Variants in SGCD observed in about 807,000 individuals in gnomAD.
SGCD encodes delta-sarcoglycan.
Under a neutral mutation model 36.6 loss-of-function variants are expected in SGCD, and 18 were observed. The observed-to-expected ratio is 0.49, with a 90% CI of 0.34 to 0.73. The LOEUF (loss-of-function observed/expected upper bound fraction) is 0.73. SGCD is among the 30% of genes least tolerant of loss of function. SGCD has a pLI of 0.01. For synonymous variants in SGCD, 133 were observed against 130.6 expected, an observed-to-expected ratio of 1.02 and a Z score of -0.12; for missense variants, 387 against 346.7, an observed-to-expected ratio of 1.12 and a Z score of -0.92.
At chr5:155,734,664 A>G in the SGCD span, among the ~76,000 whole-genome samples, 1 of 152,234 alleles carries the variant, frequency 6.6e-6, no homozygotes, top group Non-Finnish European at 1.5e-5. Flanking sequence ...TTAAAAACCC[A>G]TTGCTGAGAA....
At chr5:156,502,252 T>C (rs1399596477) in intron 3 of SGCD, among the ~76,000 whole-genome samples, 1 of 152,100 alleles carries the variant, frequency 6.6e-6, no homozygotes, top group Admixed American at 6.5e-5. Context: ...TTCACCATGT[T>C]AGCCAGGATG....
At chr5:156,755,958 C>T (rs1233702487) in intron 7 of SGCD, among the ~76,000 whole-genome samples, 5 of 152,104 alleles carry the variant, frequency 3.3e-5, no homozygotes, top group East Asian at 1.9e-4. Context: ...GGGGTTGCTC[C>T]GTAGTGGATC....
intron 3 of SGCD, among the ~76,000 whole-genome samples, chr5:156,457,521 G>A (rs1754311883): frequency 6.6e-6 from 1 of 152,104 alleles, no homozygotes; most frequent in African/African-American, 2.4e-5. Context: ...AGATATTTGG[G>A]GATATTTAGT....
intron 7 of SGCD, among the ~76,000 whole-genome samples, chr5:156,731,577 A>G (rs1756063386): frequency 6.7e-6 from 1 of 150,122 alleles, no homozygotes; most frequent in Non-Finnish European, 1.5e-5. Context: ...TGGGTTTTCT[A>G]TTTTGTTCCA....
At chr5:156,488,732 C>A (rs1281231275) in intron 3 of SGCD, among the ~76,000 whole-genome samples, 1 of 152,098 alleles carries the variant, frequency 6.6e-6, no homozygotes, top group Non-Finnish European at 1.5e-5. Context: ...ACTGCTAGAG[C>A]AGATACACAA....
At chr5:155,801,929 G>A in the SGCD span, among the ~76,000 whole-genome samples, 1 of 152,234 alleles carries the variant, frequency 6.6e-6, no homozygotes, top group African/African-American at 2.4e-5. Context: ...TACTGTAAGG[G>A]CATCTGTGTC....
At chr5:156,749,547 C>CA (rs1206767836) in intron 7 of SGCD, among the ~76,000 whole-genome samples, 1 of 151,118 alleles carries the variant, frequency 6.6e-6, no homozygotes, top group East Asian at 1.9e-4. Context: ...ATATGTGGGA[C>CA]AAAAAAAAGA....
intron 3 of SGCD, among the ~76,000 whole-genome samples, chr5:156,350,318 A>T (rs911668898): frequency 6.9e-6 from 1 of 144,394 alleles, no homozygotes; most frequent in Non-Finnish European, 1.5e-5. Flanking sequence ...ATTATTTTGT[A>T]TGTTTGGTTT....
chr5:155,830,325 G>A, the SGCD span, among the ~76,000 whole-genome samples: 17 of 145,120 alleles, frequency 1.2e-4, no homozygotes, highest in South Asian at 1.1e-3. Context: ...GTCTTTCTCC[G>A]TGTGTATACA....
intron 1 of SGCD, among the ~76,000 whole-genome samples, chr5:156,086,219 A>G (rs985257941): frequency 6.6e-6 from 1 of 152,248 alleles, no homozygotes; most frequent in Non-Finnish European, 1.5e-5. Flanking sequence ...ATCAAATATG[A>G]TGTATACAAT....
At chr5:156,331,854 A>G (rs893329734) in intron 2 of SGCD, among the ~76,000 whole-genome samples, 1 of 152,228 alleles carries the variant, frequency 6.6e-6, no homozygotes, top group Admixed American at 6.5e-5. Flanking sequence ...TTGTTCCAGG[A>G]TAAGGACAGC....
At chr5:156,080,020 A>G (rs1166305481) in intron 1 of SGCD, among the ~76,000 whole-genome samples, 1 of 152,170 alleles carries the variant, frequency 6.6e-6, no homozygotes, top group Non-Finnish European at 1.5e-5. Context: ...AGGCTTTCTG[A>G]TACATCCTCT....
chr5:156,303,836 T>G (rs1255511412), intron 3 of SGCD, among the ~76,000 whole-genome samples: 1 of 151,670 alleles, frequency 6.6e-6, no homozygotes, highest in African/African-American at 2.4e-5. Flanking sequence ...GTATCTAAGT[T>G]GCAAGGCAAA....
chr5:155,922,203 T>C (rs890154749), intron 1 of SGCD, among the ~76,000 whole-genome samples: 1 of 152,220 alleles, frequency 6.6e-6, no homozygotes, highest in African/African-American at 2.4e-5. Flanking sequence ...TGAGTTTTAA[T>C]GCTGTGGGTT....
intron 3 of SGCD, among the ~76,000 whole-genome samples, chr5:156,433,104 T>C (rs905110947): frequency 6.6e-6 from 1 of 152,202 alleles, no homozygotes; most frequent in African/African-American, 2.4e-5. Flanking sequence ...AGTTAAAATT[T>C]TTGTGACTTA....
chr5:155,986,747 C>G (rs1417370362), intron 1 of SGCD, among the ~76,000 whole-genome samples: 2 of 152,158 alleles, frequency 1.3e-5, no homozygotes, highest in East Asian at 1.9e-4. Flanking sequence ...TCTCCCACAC[C>G]TGTTTCTTCA....
chr5:155,783,268 C>T, the SGCD span, among the ~76,000 whole-genome samples: 1 of 152,038 alleles, frequency 6.6e-6, no homozygotes, highest in East Asian at 1.9e-4. Flanking sequence ...CTTGGGAGAG[C>T]TTTACAAAGA....
At chr5:155,813,911 A>G in the SGCD span, among the ~76,000 whole-genome samples, 1 of 152,188 alleles carries the variant, frequency 6.6e-6, no homozygotes, top group Non-Finnish European at 1.5e-5. Context: ...TATTATTTTG[A>G]TGGAGAGATG....
intron 3 of SGCD, among the ~76,000 whole-genome samples, chr5:156,468,879 C>T (rs1197200323): frequency 6.6e-6 from 1 of 152,168 alleles, no homozygotes; most frequent in African/African-American, 2.4e-5. Flanking sequence ...GTAATCCCAA[C>T]TACTCAGGAG....
Sources: allele counts gnomAD v4.1 joint callset (sites outside exome capture counted in the v4.1 genomes callset), GRCh38; gene constraint gnomAD v4.1.1; transcripts MANE v1.5; gene names NCBI Gene and HGNC (gene_info 2026-07-23, HGNC 2026-07-21).